SFMBT1: variants seen among roughly 807,000 people sequenced by gnomAD.
SFMBT1 encodes the protein Scm like with four mbt domains 1.
Under a neutral mutation model 108.7 loss-of-function variants are expected in SFMBT1, and 32 were observed. That is an observed-to-expected ratio of 0.29 (90% CI 0.22 to 0.40). The LOEUF (loss-of-function observed/expected upper bound fraction) is 0.40. Among genes scored for constraint, SFMBT1 ranks in the 10% least tolerant of loss-of-function variants. The probability of loss-of-function intolerance (pLI) is 1.00; values close to 1 mark genes in which losing one functional copy is unlikely to be tolerated. For synonymous variants in SFMBT1, 348 were observed against 369.5 expected, an observed-to-expected ratio of 0.94 and a Z score of 0.67; for missense variants, 816 against 1,059.6, an observed-to-expected ratio of 0.77 and a Z score of 3.19.
intron 2 of SFMBT1, among the ~76,000 whole-genome samples, chr3:52,968,567 T>A (rs1559530917): frequency 6.6e-6 from 1 of 151,656 alleles, no homozygotes; most frequent in African/African-American, 2.4e-5. Context: ...ATTTTAATGC[T>A]ATTTTAAAAA....
Position 52,916,190 on chromosome 3 carries a change from G to T in SFMBT1, c.1440C>A (p.His480Gln). The T allele has an allele frequency of 6.2e-7, 1 of 1,613,882 alleles. No individual in the cohort carries two copies. The highest frequency in any genetic ancestry group is 8.5e-7 in the Non-Finnish European group (1 of 1,179,932). ...EKQVPSSRTVHEGLRNQELNS... is the reference protein window; with the variant it reads ...EKQVPSSRTVQEGLRNQELNS... ...TCAGCTCCTGATTCCTCAGGCCCTC[G>T]TGGACAGTCCTCGAGGATGGTACTC... is the stretch of plus-strand genomic sequence containing the variant. The change falls in exon 14 of 21, where the codon CAC becomes CAA. Residue 480 changes from histidine (H) to glutamine (Q), a missense_variant. Coordinates refer to ENST00000394752, the MANE Select transcript of SFMBT1 (RefSeq NM_016329.4).
intron 1 of SFMBT1, among the ~76,000 whole-genome samples, chr3:53,042,918 T>C (rs918560807): frequency 6.6e-6 from 1 of 152,246 alleles, no homozygotes; most frequent in African/African-American, 2.4e-5. Flanking sequence ...TCCAGCTTAG[T>C]TGCTGGTCAG....
At chr3:53,000,246 T>G (rs1698499571) in intron 1 of SFMBT1, among the ~76,000 whole-genome samples, 1 of 144,840 alleles carries the variant, frequency 6.9e-6, no homozygotes, top group South Asian at 2.3e-4. Context: ...TTTGTAATGT[T>G]TTTTCTCTTA....
At chr3:53,031,716 C>A (rs546387490) in intron 1 of SFMBT1, among the ~76,000 whole-genome samples, 1 of 152,150 alleles carries the variant, frequency 6.6e-6, no homozygotes, top group East Asian at 1.9e-4. Flanking sequence ...ACCAGGATGC[C>A]ATGGTGATTA....
At chr3:53,002,255 C>T (rs749414213) in intron 1 of SFMBT1, among the ~76,000 whole-genome samples, 7 of 149,000 alleles carry the variant, frequency 4.7e-5, no homozygotes, top group East Asian at 3.9e-4. Context: ...AAAAATTAGC[C>T]GGGCGTGGTG....
intron 11 of SFMBT1, 68 bp from the exon 12 acceptor site, chr3:52,920,718 T>G (rs929493158): frequency 3.3e-6 from 3 of 918,400 alleles, no homozygotes; most frequent in Non-Finnish European, 5.1e-6. Context: ...AATAACCTTC[T>G]TCATAAACTA....
At chr3:53,000,091 T>C (rs906370738) in intron 1 of SFMBT1, among the ~76,000 whole-genome samples, 5 of 150,106 alleles carry the variant, frequency 3.3e-5, no homozygotes, top group African/African-American at 1.2e-4. Flanking sequence ...CTTGATTTCC[T>C]GACCTCGTGA....
At position 52,939,153 on chromosome 3, in the gene SFMBT1, T is replaced by G. The variant is rs529777701; in HGVS notation, c.364+4200A>C. Among the ~76,000 whole-genome samples the G allele has an allele frequency of 1.8e-4, 28 of 152,366 alleles. No individual in the cohort carries two copies. The East Asian group carries it at 5.2e-3, about 28-fold the overall frequency. ...CCTAAATAGCCGTGGTATTATTTTT[T>G]GCTTTAAAGTTCAATACTTTCATTA... On this transcript the variant is annotated intron_variant, in intron 4 of 20. Coordinates refer to ENST00000394752, the MANE Select transcript of SFMBT1 (RefSeq NM_016329.4).
intron 3 of SFMBT1, among the ~76,000 whole-genome samples, chr3:52,945,536 G>A (rs563979677): frequency 6.6e-5 from 10 of 152,062 alleles, no homozygotes; most frequent in East Asian, 1.9e-4. Flanking sequence ...AGCCGGGCGC[G>A]GTGGCTCACA....
At chr3:52,987,299 A>T (rs1704959138) in intron 1 of SFMBT1, among the ~76,000 whole-genome samples, 1 of 152,242 alleles carries the variant, frequency 6.6e-6, no homozygotes, top group African/African-American at 2.4e-5. Context: ...ATTATGATCA[A>T]GTATTATGTA....
At chr3:53,024,657 C>T (rs1699426638) in intron 1 of SFMBT1, among the ~76,000 whole-genome samples, 2 of 152,266 alleles carry the variant, frequency 1.3e-5, no homozygotes, top group South Asian at 2.1e-4. Context: ...ACTGAATGAT[C>T]GCTGGGACCA....
chr3:52,943,624 C>T (rs369569348), intron 3 of SFMBT1, 31 bp from the exon 4 acceptor site: 8 of 1,613,984 alleles, frequency 5.0e-6, no homozygotes, highest in African/African-American at 1.3e-5. Flanking sequence ...AAGCACCAGA[C>T]AAGTATCTTA....
chr3:52,925,910 C>T (rs566269931), intron 10 of SFMBT1, 121 bp downstream of exon 10: 85 of 818,694 alleles, frequency 1.0e-4, no homozygotes, highest in Non-Finnish European at 1.5e-4. Context: ...TTACAATCAC[C>T]ACTGTGCTCA....
intron 1 of SFMBT1, among the ~76,000 whole-genome samples, chr3:53,009,738 A>G (rs1274893499): frequency 6.6e-6 from 1 of 152,246 alleles, no homozygotes; most frequent in African/African-American, 2.4e-5. Flanking sequence ...AGCCTTACTG[A>G]TAACATAAAC....
intron 4 of SFMBT1, among the ~76,000 whole-genome samples, chr3:52,936,558 A>G (rs934019693): frequency 7.2e-5 from 11 of 152,204 alleles, no homozygotes; most frequent in Non-Finnish European, 1.3e-4. Flanking sequence ...TGACACTAGT[A>G]AAGAGCCACT....
At chr3:53,006,679 T>G (rs901170370) in intron 1 of SFMBT1, among the ~76,000 whole-genome samples, 2 of 151,676 alleles carry the variant, frequency 1.3e-5, no homozygotes, top group Admixed American at 6.6e-5. Flanking sequence ...ATCCAAATAT[T>G]ACGTCATTTT....
In SFMBT1 at chr3:52,969,139, T is replaced by C. The variant is rs370711790; in HGVS notation, c.-11A>G. On this transcript the variant is annotated 5_prime_UTR_variant, in exon 2 of 21. In the 5' UTR this introduces an upstream ATG that the reference lacks. Transcript: ENST00000394752. ...CTGCTCCCCGTTCATTTCCACAGCA[T>C]ATAGGCAGGCTATATCCTCCCAAAA... 17 of 1,613,986 alleles carry C rather than the reference T, an allele frequency of 1.1e-5. No homozygotes were observed. In the African/African-American group the frequency reaches 1.3e-4, roughly 13 times the overall value.
At chr3:52,947,714 TA>T (rs1703419814) in intron 3 of SFMBT1, among the ~76,000 whole-genome samples, 3 of 151,804 alleles carry the variant, frequency 2.0e-5, no homozygotes, top group Non-Finnish European at 4.4e-5. Context: ...TTTAAAAAGG[TA>T]GTGATTTTCT....
Position 52,928,328 on chromosome 3 carries a change from T to C in SFMBT1, c.911A>G (p.Lys304Arg). 1 of 1,613,816 alleles carries C rather than the reference T, an allele frequency of 6.2e-7. No individual in the cohort carries two copies. Among genetic ancestry groups the C allele is most frequent in the African/African-American group, 1.3e-5 (1 of 75,040 alleles). ...GTCATCCATTTCCACCAGAAAGTAC[T>C]TCTCATCAAAAACCTATACATGCAA... ...PATVVKVFDE[K>R]YFLVEMDDLR... Residue 304 changes from lysine (K) to arginine (R), a missense_variant, in exon 9 of 21, where the codon AAG becomes AGG. Physicochemically the swap from Lys to Arg is conservative, Grantham distance 26. Coordinates refer to ENST00000394752, the MANE Select transcript of SFMBT1 (RefSeq NM_016329.4).
Sources: gnomAD v4.1 joint callset for allele counts (sites outside exome capture counted in the v4.1 genomes callset) on GRCh38, gnomAD v4.1.1 for gene constraint, MANE v1.5 for transcripts, NCBI Gene and HGNC (gene_info 2026-07-23, HGNC 2026-07-21) for gene names.